SLC6A20: variants seen among roughly 807,000 people sequenced by gnomAD.
SLC6A20 encodes solute carrier family 6 member 20.
Under a neutral mutation model 64.3 loss-of-function variants are expected in SLC6A20, and 73 were observed. The observed-to-expected ratio is 1.14, with a 90% CI of 0.94 to 1.38. The LOEUF (loss-of-function observed/expected upper bound fraction) is 1.38, where lower values mean the gene tolerates loss of function less well. Among genes scored for constraint, SLC6A20 ranks in the 40% most tolerant of loss-of-function variants. The pLI is 0.00. For missense variants in SLC6A20, 725 were observed against 772.8 expected (o/e 0.94, Z 0.73); for synonymous variants, 347 against 329.6 (o/e 1.05, Z -0.57).
intron 2 of SLC6A20, 106 bp from the exon 3 acceptor site, chr3:45,780,206 G>T: frequency 1.0e-6 from 1 of 1,004,564 alleles, no homozygotes; most frequent in Non-Finnish European, 1.5e-6. Context: ...GCCCCGGGGT[G>T]GGCGAGGCCT....
intron 5 of SLC6A20, chr3:45,772,237 C>T (rs1699884519): frequency 1.3e-5 from 5 of 393,414 alleles, no homozygotes; most frequent in Middle Eastern, 6.7e-4. Context: ...GGCAGGGGTG[C>T]AGCAGTTGGG....
chr3:45,782,359 ATCC>A, intron 1 of SLC6A20, 136 bp from the exon 2 acceptor site: 1 of 1,227,836 alleles, frequency 8.1e-7, no homozygotes. Flanking sequence ...TCCATCATCC[ATCC>A]TCCTCTTTCT....
At chr3:45,794,592 C>T (rs1700316612) in intron 1 of SLC6A20, among the ~76,000 whole-genome samples, 1 of 152,186 alleles carries the variant, frequency 6.6e-6, no homozygotes, top group South Asian at 2.1e-4. Context: ...TCCCTAGCAA[C>T]CCCTTGATAC....
At position 45,772,610 on chromosome 3, in the gene SLC6A20, C is replaced by T. The variant is rs772958155; in HGVS notation, c.588G>A (p.Val196=). ...LRGTESTGKV[V]YFTASLPYCV... ...AATAGGGCAGTGACGCCGTGAAATA[C>T]ACCACCTGCGGGCATCAGAGGGCAG... The change falls in exon 5 of 11, where the codon GTG becomes GTA. Residue 196 remains valine, a synonymous_variant. Transcript: ENST00000358525. 5 of 1,613,196 alleles carry T rather than the reference C, an allele frequency of 3.1e-6. No homozygotes were observed. Among genetic ancestry groups the T allele is most frequent in the Non-Finnish European group, 3.4e-6 (4 of 1,179,658 alleles).
Position 45,765,169 on chromosome 3 carries a change from C to T in SLC6A20, c.1303+368G>A, listed in dbSNP as rs754142210. ...TGGAGGTTGCAGTGAGCCAAGATCA[C>T]GCCACTGAACTCCAGCCTGGGCAAC... On this transcript the variant is annotated intron_variant, in intron 8 of 10. Coordinates refer to ENST00000358525, the MANE Select transcript of SLC6A20 (RefSeq NM_020208.4). This position sits in a 1 kb window ranked among gnomAD's most constrained non-coding sequence, Gnocchi z 4.2. Among the ~76,000 whole-genome samples the T allele has an allele frequency of 6.3e-4, 96 of 152,078 alleles. No individual in the cohort carries two copies. Among genetic ancestry groups the T allele is most frequent in the Admixed American group, 1.4e-3 (21 of 15,268 alleles).
chr3:45,783,240 A>G (rs1014951220), intron 1 of SLC6A20, among the ~76,000 whole-genome samples: 2 of 152,252 alleles, frequency 1.3e-5, no homozygotes, highest in Non-Finnish European at 2.9e-5. Flanking sequence ...CAAAATGTCC[A>G]GTGGGAAAAG....
chr3:45,768,863 G>A (rs1227139688), intron 7 of SLC6A20, among the ~76,000 whole-genome samples: 1 of 152,246 alleles, frequency 6.6e-6, no homozygotes, highest in Admixed American at 6.5e-5. Flanking sequence ...ATAAGAATTA[G>A]GCAAATATGC....
chr3:45,775,702 C>G, intron 4 of SLC6A20, 59 bp downstream of exon 4: 1 of 1,520,170 alleles, frequency 6.6e-7, no homozygotes, highest in Non-Finnish European at 8.9e-7. Flanking sequence ...AGGCAGCTGC[C>G]CCTTGGTGCA....
intron 9 of SLC6A20, among the ~76,000 whole-genome samples, chr3:45,762,522 A>G (rs970267252): frequency 2.0e-5 from 3 of 152,176 alleles, no homozygotes; most frequent in Non-Finnish European, 2.9e-5. Flanking sequence ...GAATCTGCCA[A>G]ATTTTCTAAG....
chr3:45,780,518 T>C (rs73062378), intron 2 of SLC6A20, among the ~76,000 whole-genome samples: 21,587 of 152,272 alleles, frequency 0.14, 2,054 homozygotes, highest in South Asian at 0.26. Context: ...AGAAGCACTG[T>C]TGCTGTGAAG....
At chr3:45,776,809 A>G (rs1699976122) in intron 3 of SLC6A20, among the ~76,000 whole-genome samples, 1 of 152,254 alleles carries the variant, frequency 6.6e-6, no homozygotes, top group African/African-American at 2.4e-5. Flanking sequence ...CGATAGCAGC[A>G]TCGCTTGCAT....
intron 1 of SLC6A20, 123 bp downstream of exon 1, chr3:45,796,174 GAC>G: frequency 2.0e-6 from 3 of 1,479,126 alleles, no homozygotes; most frequent in Non-Finnish European, 2.7e-6. Flanking sequence ...TGTAACTTCG[GAC>G]AAATCACGCT....
At chr3:45,769,515 T>G (rs1339081819) in intron 7 of SLC6A20, among the ~76,000 whole-genome samples, 3 of 151,156 alleles carry the variant, frequency 2.0e-5, no homozygotes, top group Non-Finnish European at 4.4e-5. Flanking sequence ...AGGGAATGGA[T>G]AAATAAATTG....
At chr3:45,793,577 C>G (rs888523074) in intron 1 of SLC6A20, among the ~76,000 whole-genome samples, 2 of 151,992 alleles carry the variant, frequency 1.3e-5, no homozygotes, top group Non-Finnish European at 2.9e-5. Context: ...ATTCCTCATG[C>G]CGGGCCGGGC....
At position 45,796,487 on chromosome 3, in the gene SLC6A20, C is replaced by G. The variant is rs541106649; in HGVS notation, c.-68G>C. On this transcript the variant is annotated 5_prime_UTR_variant, in exon 1 of 11. Coordinates refer to ENST00000358525, the MANE Select transcript of SLC6A20 (RefSeq NM_020208.4). Reference sequence around the variant, plus strand: ...CACGGCAGTCTCAGTGCGCGGTCGCCAGGCGCGCCGTCCCACCCCGGCTCG... The same window carrying G: ...CACGGCAGTCTCAGTGCGCGGTCGCGAGGCGCGCCGTCCCACCCCGGCTCG... The G allele has an allele frequency of 4.0e-6, 6 of 1,501,878 alleles. No individual in the cohort carries two copies. Among genetic ancestry groups the G allele is most frequent in the South Asian group, 1.3e-5 (1 of 77,096 alleles). 93.0% of individuals were successfully genotyped at this position (1,501,878 alleles called of 1,614,324 possible). A position where few individuals can be genotyped will look rare whatever the true frequency, so the allele number is the denominator to read the frequency against.
At chr3:45,776,747 C>T (rs1362278320) in intron 3 of SLC6A20, among the ~76,000 whole-genome samples, 1 of 152,162 alleles carries the variant, frequency 6.6e-6, no homozygotes, top group Non-Finnish European at 1.5e-5. Flanking sequence ...GCAAAGACCA[C>T]CCAAGTGAGA....
chr3:45,765,894 C>A lies in SLC6A20; in HGVS notation c.1099-153G>T. On this transcript the variant is annotated intron_variant, in intron 7 of 10. Coordinates refer to ENST00000358525, the MANE Select transcript of SLC6A20 (RefSeq NM_020208.4). The surrounding 1 kb of genome is among the most constrained non-coding windows in gnomAD (Gnocchi z 4.2). ...TCCATCTGCAGATCAACCCCTTACA[C>A]TCAGCTGGGCTGAAACGAAATGGGA... The A allele has an allele frequency of 1.3e-6, 1 of 757,378 alleles. No homozygotes were observed. Among genetic ancestry groups the A allele is most frequent in the Non-Finnish European group, 2.1e-6 (1 of 473,994 alleles). 46.9% of individuals were successfully genotyped at this position (757,378 alleles called of 1,614,324 possible).
At chr3:45,785,652 CT>C (rs1448872582) in intron 1 of SLC6A20, among the ~76,000 whole-genome samples, 1 of 116,836 alleles carries the variant, frequency 8.6e-6, no homozygotes, top group African/African-American at 3.1e-5. Flanking sequence ...TCTCTTCCCC[CT>C]ATTAGTTCTG....
chr3:45,781,588 C>T (rs1700085481), intron 2 of SLC6A20, among the ~76,000 whole-genome samples: 1 of 152,214 alleles, frequency 6.6e-6, no homozygotes, highest in African/African-American at 2.4e-5. Context: ...GTGCGGGCCT[C>T]AGCTTCCGCA....
Sources: gnomAD v4.1 joint callset for allele counts (sites outside exome capture counted in the v4.1 genomes callset) on GRCh38, gnomAD v4.1.1 for gene constraint, Gnocchi (gnomAD v3.1) non-coding constraint, MANE v1.5 for transcripts, NCBI Gene and HGNC (gene_info 2026-07-23, HGNC 2026-07-21) for gene names.